ERBB4: variants seen among roughly 807,000 people sequenced by gnomAD.
The protein encoded by ERBB4 is receptor tyrosine-protein kinase erbB-4.
ERBB4 carries 42 observed loss-of-function variants against 158.0 expected under a neutral mutation model. That is an observed-to-expected ratio of 0.27 (90% CI 0.21 to 0.34). ERBB4 has a LOEUF of 0.34. Ranked by LOEUF, ERBB4 falls within the 10% of genes least tolerant of loss-of-function variation. The pLI is 1.00. For missense variants in ERBB4, 1,333 were observed against 1,624.1 expected (o/e 0.82, Z 3.08); for synonymous variants, 583 against 558.7 (o/e 1.04, Z -0.61).
chr2:211,968,424 T>C (rs1487338723), intron 2 of ERBB4, among the ~76,000 whole-genome samples: 2 of 152,056 alleles, frequency 1.3e-5, no homozygotes, highest in Non-Finnish European at 2.9e-5. Flanking sequence ...ATTTCAGCTG[T>C]GACCAAATAG....
rs1560194778 is a variant in ERBB4 at position 212,391,711 on chromosome 2, T to TAG, written c.82+146737_82+146738insCT. 1.8e-3 allele frequency among the ~76,000 whole-genome samples: 243 copies of TAG among 134,710 alleles called. 1 individual carries two copies. Among genetic ancestry groups the TAG allele is most frequent in the Middle Eastern group, 7.6e-3 (2 of 264 alleles). The allele number at this position is 134,710 out of a possible 152,430, so 88.4% of individuals were successfully genotyped here. On this transcript the variant is annotated intron_variant, in intron 1 of 27. Coordinates refer to ENST00000342788, the MANE Select transcript of ERBB4 (RefSeq NM_005235.3). ...TATATTATATTATATATTATATATA[T>TAG]TGACATATATATTATATATATGACA...
At chr2:212,014,383 T>C (rs1301510765) in intron 2 of ERBB4, among the ~76,000 whole-genome samples, 1 of 152,158 alleles carries the variant, frequency 6.6e-6, no homozygotes, top group Non-Finnish European at 1.5e-5. Flanking sequence ...AAAGTAAAAC[T>C]ATTCACATAA....
At chr2:212,249,743 C>T (rs1259770394) in intron 1 of ERBB4, among the ~76,000 whole-genome samples, 4 of 151,984 alleles carry the variant, frequency 2.6e-5, no homozygotes, top group African/African-American at 9.7e-5. Context: ...ATGGGTTAAG[C>T]CACAAACTAA....
intron 2 of ERBB4, among the ~76,000 whole-genome samples, chr2:212,022,674 C>T (rs759757063): frequency 2.0e-5 from 3 of 151,926 alleles, no homozygotes; most frequent in Non-Finnish European, 4.4e-5. Flanking sequence ...TGCACGTGTA[C>T]CCCAGAACTT....
In ERBB4 at chr2:212,355,834, G is replaced by A. The variant is rs115339379; in HGVS notation, c.82+182615C>T. Among the ~76,000 whole-genome samples, 1,011 of 151,812 alleles carry A rather than the reference G, an allele frequency of 6.7e-3. 13 individuals carry two copies. Among genetic ancestry groups the A allele is most frequent in the African/African-American group, 0.023 (965 of 41,418 alleles). ...TATGTGTGAGTGTGTATATATATGT[G>A]TATATATATAAAATCATCTAATATA... On this transcript the variant is annotated intron_variant, in intron 1 of 27. Coordinates refer to ENST00000342788, the MANE Select transcript of ERBB4 (RefSeq NM_005235.3).
chr2:211,615,831 T>G (rs1260353711), intron 19 of ERBB4, among the ~76,000 whole-genome samples: 1 of 152,186 alleles, frequency 6.6e-6, no homozygotes, highest in Middle Eastern at 3.4e-3. Context: ...AGAGTAGTGG[T>G]TATTGAATCT....
At chr2:212,467,278 A>G (rs1377061235) in intron 1 of ERBB4, among the ~76,000 whole-genome samples, 2 of 152,216 alleles carry the variant, frequency 1.3e-5, no homozygotes, top group Non-Finnish European at 2.9e-5. Context: ...AATCACCAAG[A>G]CAATGGGGAA....
At chr2:211,470,402 A>T (rs2064803047) in intron 20 of ERBB4, among the ~76,000 whole-genome samples, 1 of 152,158 alleles carries the variant, frequency 6.6e-6, no homozygotes, top group Non-Finnish European at 1.5e-5. Context: ...ATTGGAACAT[A>T]TTACAGAACA....
intron 2 of ERBB4, among the ~76,000 whole-genome samples, chr2:211,993,356 C>T (rs1208446244): frequency 2.6e-5 from 4 of 152,174 alleles, no homozygotes; most frequent in Admixed American, 6.5e-5. Flanking sequence ...AGAGACGCCT[C>T]AGGAGACACC....
rs959642437 is a variant in ERBB4, at chr2:211,746,216, G to A, written c.622+4423C>T. 2.0e-5 allele frequency among the ~76,000 whole-genome samples: 3 copies of A among 152,216 alleles called. No individual in the cohort carries two copies. The East Asian group carries it at 5.8e-4, about 29-fold the overall frequency. On this transcript the variant is annotated intron_variant, in intron 5 of 27. Transcript: ENST00000342788. ...GGATTGCTTGAAGCCAGGAGTTTGA[G>A]AACAGTCTGGGCAACAAAGAGACAA...
chr2:212,465,118 G>A (rs1321043197), intron 1 of ERBB4, among the ~76,000 whole-genome samples: 1 of 152,046 alleles, frequency 6.6e-6, no homozygotes, highest in Non-Finnish European at 1.5e-5. Flanking sequence ...TAGCCCAGGA[G>A]GCTAGGAAAT....
chr2:212,269,631 G>A (rs1310986052), intron 1 of ERBB4, among the ~76,000 whole-genome samples: 1 of 151,782 alleles, frequency 6.6e-6, no homozygotes, highest in African/African-American at 2.4e-5. Context: ...AAATAAACAT[G>A]GGATGAAGAA....
chr2:212,040,663 C>T (rs2077119968), intron 2 of ERBB4, among the ~76,000 whole-genome samples: 2 of 152,150 alleles, frequency 1.3e-5, no homozygotes, highest in East Asian at 3.9e-4. Context: ...AAGTGTTTAT[C>T]ATAAGCATTT....
At chr2:211,721,620 CATATAT>C (rs71054137) in intron 7 of ERBB4, among the ~76,000 whole-genome samples, 44,649 of 131,794 alleles carry the variant, frequency 0.34, 7,571 homozygotes, top group South Asian at 0.42. Flanking sequence ...TGCTATTAAA[CATATAT>C]ATATATATAT....
intron 2 of ERBB4, among the ~76,000 whole-genome samples, chr2:212,003,109 GAAA>G (rs2076147510): frequency 2.6e-5 from 1 of 38,102 alleles, no homozygotes; most frequent in Non-Finnish European, 8.7e-5. Flanking sequence ...CAGAAAGAAA[GAAA>G]GAAGGAAGGA....
intron 1 of ERBB4, among the ~76,000 whole-genome samples, chr2:212,199,729 A>T (rs2082536018): frequency 6.6e-6 from 1 of 152,158 alleles, no homozygotes; most frequent in African/African-American, 2.4e-5. Flanking sequence ...AGAATCATTA[A>T]ATTTTTAATT....
intron 1 of ERBB4, among the ~76,000 whole-genome samples, chr2:212,490,248 A>G (rs1690201253): frequency 6.6e-6 from 1 of 151,848 alleles, no homozygotes; most frequent in Non-Finnish European, 1.5e-5. Context: ...TGAAGTCTAC[A>G]TCTTATCCAT....
intron 1 of ERBB4, among the ~76,000 whole-genome samples, chr2:212,368,887 T>C (rs546307613): frequency 1.3e-5 from 2 of 152,230 alleles, no homozygotes; most frequent in African/African-American, 4.8e-5. Context: ...CGTAGGTCCC[T>C]ACTACTACAA....
chr2:211,602,703 T>C (rs1156523387), intron 19 of ERBB4, among the ~76,000 whole-genome samples: 2 of 152,118 alleles, frequency 1.3e-5, no homozygotes, highest in Non-Finnish European at 2.9e-5. Flanking sequence ...ATAGTATGGA[T>C]TGCATTCTAT....
Sources: allele counts gnomAD v4.1 joint callset (sites outside exome capture counted in the v4.1 genomes callset), GRCh38; gene constraint gnomAD v4.1.1; transcripts MANE v1.5; gene names NCBI Gene and HGNC (gene_info 2026-07-23, HGNC 2026-07-21).